MRTFB: variants seen among roughly 807,000 people sequenced by gnomAD.
The protein encoded by MRTFB is myocardin-related transcription factor B.
A neutral mutation model predicts 104.2 loss-of-function variants in MRTFB; 29 were observed. That is an observed-to-expected ratio of 0.28 (90% CI 0.21 to 0.38). The LOEUF (loss-of-function observed/expected upper bound fraction) is 0.38, where lower values mean the gene tolerates loss of function less well. Ranked by LOEUF, MRTFB falls within the 10% of genes least tolerant of loss-of-function variation. The probability of loss-of-function intolerance (pLI) is 1.00; values close to 1 mark genes in which losing one functional copy is unlikely to be tolerated. For missense variants in MRTFB, 1,270 were observed against 1,341.6 expected, an observed-to-expected ratio of 0.95 and a Z score of 0.83; for synonymous variants, 535 against 519.5, an observed-to-expected ratio of 1.03 and a Z score of -0.41.
chr16:14,066,241 A>T, the MRTFB span, among the ~76,000 whole-genome samples: 3 of 150,766 alleles, frequency 2.0e-5, no homozygotes, highest in African/African-American at 2.4e-5. Context: ...TTTTATTTTT[A>T]ATTTATTTTT....
chr16:14,065,412 T>A, the MRTFB span, among the ~76,000 whole-genome samples: 1 of 152,216 alleles, frequency 6.6e-6, no homozygotes, highest in Non-Finnish European at 1.5e-5. Flanking sequence ...CAAACAGGGA[T>A]AGTCTGACTT....
chr16:14,138,620 T>A (rs2037841914), intron 2 of MRTFB, among the ~76,000 whole-genome samples: 1 of 152,192 alleles, frequency 6.6e-6, no homozygotes, highest in African/African-American at 2.4e-5. Context: ...GTTCAGTTCT[T>A]TTTGCCTTAG....
intron 1 of MRTFB, among the ~76,000 whole-genome samples, chr16:14,074,181 C>T (rs1186607891): frequency 6.6e-6 from 1 of 152,074 alleles, no homozygotes; most frequent in African/African-American, 2.4e-5. Context: ...GCTGTCAAAA[C>T]AGAAGGCTAT....
At chr16:14,255,184 T>C (rs1328436873) in intron 15 of MRTFB, among the ~76,000 whole-genome samples, 2 of 152,162 alleles carry the variant, frequency 1.3e-5, no homozygotes, top group African/African-American at 2.4e-5. Context: ...CAGTCTAGCA[T>C]AGGTAGAAGA....
the MRTFB span, among the ~76,000 whole-genome samples, chr16:14,031,605 T>C: frequency 5.4e-3 from 824 of 152,126 alleles, 10 homozygotes; most frequent in African/African-American, 0.019. Context: ...TGATAAGAAA[T>C]ATATATATTT....
upstream of MRTFB, among the ~76,000 whole-genome samples, chr16:14,067,043 C>T (rs1273147513): frequency 2.0e-5 from 3 of 152,044 alleles, no homozygotes; most frequent in African/African-American, 7.2e-5. Context: ...CCACCCCTTC[C>T]CCATGAGGAT....
Position 14,233,554 on chromosome 16 carries a change from G to A in MRTFB, c.694-592G>A, listed in dbSNP as rs772460901. ...TGTAATCTCAGCACTTTGGGAGGCC[G>A]GGGCAGGTGGATCACTTGAGGTCAG... On this transcript the variant is annotated intron_variant, in intron 8 of 16. Transcript: ENST00000571589. Among the ~76,000 whole-genome samples, 143 of 152,096 alleles carry A rather than the reference G, an allele frequency of 9.4e-4. No homozygotes were observed. In the Middle Eastern group the frequency reaches 0.01, roughly 11 times the overall value.
At chr16:14,034,538 C>T in the MRTFB span, among the ~76,000 whole-genome samples, 1 of 149,698 alleles carries the variant, frequency 6.7e-6, no homozygotes, top group Non-Finnish European at 1.5e-5. Context: ...CACTTGAACC[C>T]AGGAGGCAGA....
chr16:14,137,392 A>G (rs2037774902), intron 2 of MRTFB, among the ~76,000 whole-genome samples: 1 of 152,152 alleles, frequency 6.6e-6, no homozygotes, highest in African/African-American at 2.4e-5. Flanking sequence ...GGTTGAAAAA[A>G]TTCTTCAGTA....
At chr16:14,029,445 T>TATAC in the MRTFB span, among the ~76,000 whole-genome samples, 19,130 of 85,160 alleles carry the variant, frequency 0.22, 2,484 homozygotes, top group Non-Finnish European at 0.29. Flanking sequence ...TATATATATA[T>TATAC]ACACACACAC....
At chr16:13,997,792 C>CAA in the MRTFB span, among the ~76,000 whole-genome samples, 308 of 90,534 alleles carry the variant, frequency 3.4e-3, 4 homozygotes, top group East Asian at 0.028. Flanking sequence ...GACCCTATCT[C>CAA]AAAAAAAAAA....
At chr16:14,207,087 T>C (rs1012998738) in intron 3 of MRTFB, among the ~76,000 whole-genome samples, 3 of 152,180 alleles carry the variant, frequency 2.0e-5, no homozygotes, top group Non-Finnish European at 2.9e-5. Flanking sequence ...TTGTACCCCA[T>C]GCAGTACCCA....
At chr16:14,212,856 G>A (rs1386756814) in intron 5 of MRTFB, among the ~76,000 whole-genome samples, 3 of 152,118 alleles carry the variant, frequency 2.0e-5, no homozygotes, top group South Asian at 2.1e-4. Context: ...ATCAGAAAAC[G>A]TTGCTACATT....
the MRTFB span, among the ~76,000 whole-genome samples, chr16:14,022,019 G>A: frequency 2.0e-5 from 3 of 152,118 alleles, no homozygotes; most frequent in African/African-American, 7.2e-5. Flanking sequence ...ACATACCTCT[G>A]ACTCCAGCCA....
intron 2 of MRTFB, among the ~76,000 whole-genome samples, chr16:14,110,788 C>T (rs948874214): frequency 1.3e-5 from 2 of 152,162 alleles, no homozygotes; most frequent in African/African-American, 4.8e-5. Context: ...CTACATCATC[C>T]TCTTGCCTTC....
the MRTFB span, among the ~76,000 whole-genome samples, chr16:14,017,906 G>T: frequency 6.7e-6 from 1 of 150,332 alleles, no homozygotes; most frequent in Non-Finnish European, 1.5e-5. Context: ...CTTTTCTATA[G>T]AAATGGGTTC....
the MRTFB span, among the ~76,000 whole-genome samples, chr16:14,011,853 C>A: frequency 5.0e-3 from 760 of 152,294 alleles, 5 homozygotes; most frequent in African/African-American, 0.017. Flanking sequence ...GCCTAAGCAA[C>A]AGAGTGAGAC....
the MRTFB span, among the ~76,000 whole-genome samples, chr16:14,034,717 G>T: frequency 1.3e-4 from 19 of 151,682 alleles, no homozygotes; most frequent in Middle Eastern, 3.4e-3. Context: ...CAAAACACCA[G>T]TATTATTGGA....
chr16:14,235,748 C>T (rs1204635267), intron 9 of MRTFB, among the ~76,000 whole-genome samples: 1 of 151,992 alleles, frequency 6.6e-6, no homozygotes, highest in Non-Finnish European at 1.5e-5. Flanking sequence ...TGTTTCTGTG[C>T]CCCTCCTCTA....
Sources: allele counts gnomAD v4.1 joint callset (sites outside exome capture counted in the v4.1 genomes callset), GRCh38; gene constraint gnomAD v4.1.1; transcripts MANE v1.5; gene names NCBI Gene and HGNC (gene_info 2026-07-23, HGNC 2026-07-21).